FGF22: variants seen among roughly 807,000 people sequenced by gnomAD.
FGF22 encodes the protein fibroblast growth factor 22.
In FGF22, 11 loss-of-function variants were observed where a neutral mutation model predicts 10.3. That is an observed-to-expected ratio of 1.07 (90% confidence interval 0.67 to 1.77). The LOEUF (loss-of-function observed/expected upper bound fraction) is 1.77, where lower values mean the gene tolerates loss of function less well. Among genes scored for constraint, FGF22 ranks in the 40% most tolerant of loss-of-function variants. FGF22 has a pLI of 0.00. For missense variants in FGF22, 317 were observed against 273.2 expected (o/e 1.16, Z -1.13); for synonymous variants, 136 against 122.1 (o/e 1.11, Z -0.75).
At position 643,258 on chromosome 19, in the gene FGF22, C is replaced by T. The variant is rs1433784545; in HGVS notation, c.238C>T (p.His80Tyr). Residue 80 changes from histidine to tyrosine, a missense_variant, in exon 2 of 3, where the codon CAC becomes TAC. By Grantham distance (83) the His-to-Tyr change is moderately conservative. Coordinates refer to ENST00000215530, the Ensembl canonical transcript of FGF22. ...AGGCATCCTGGAGATCCGCTCTGTA[C>T]ACGTGGGCGTCGTGGTCATCAAAGC... is the stretch of plus-strand genomic sequence containing the variant. The T allele has an allele frequency of 9.9e-6, 16 of 1,611,622 alleles. No individual in the cohort carries two copies. The highest frequency in any genetic ancestry group is 1.0e-5 in the Non-Finnish European group (12 of 1,179,410).
chr19:643,338 G>C (rs377149140), exon 2 of FGF22: 4 of 1,609,122 alleles, frequency 2.5e-6, no homozygotes, highest in Non-Finnish European at 3.4e-6. Context: ...TCTACGGGTC[G>C]GTGAGTGCCG....
chr19:643,362 G>A (rs200929490), intron 2 of FGF22, 24 bp downstream of exon 2: 25 of 1,602,408 alleles, frequency 1.6e-5, no homozygotes, highest in East Asian at 2.2e-5. Flanking sequence ...AGGGCTGGGC[G>A]GCGCGGGCAG....
chr19:641,243 A>T (rs1461000307), intron 1 of FGF22: 1 of 456,352 alleles, frequency 2.2e-6, no homozygotes, highest in Admixed American at 2.3e-5. Flanking sequence ...GGCGCGCAGC[A>T]GTTAGACACG....
chr19:643,918 C>G, exon 3 of FGF22: 1 of 86,502 alleles, frequency 1.2e-5, no homozygotes, highest in Non-Finnish European at 2.2e-5. Context: ...GTGGGGAGCA[C>G]GTTGGGAGTG....
rs764696073 is a variant in FGF22, at chr19:643,312, A to T, written c.292A>T (p.Asn98Tyr). The T allele has an allele frequency of 2.5e-5, 39 of 1,585,812 alleles. No individual in the cohort carries two copies. The highest frequency in any genetic ancestry group is 3.3e-5 in the Non-Finnish European group (38 of 1,164,482). ...GTCCTCAGGCTTCTACGTGGCCATG[A>T]ACCGCCGGGGCCGCCTCTACGGGTC... The change falls in exon 2 of 3, where the codon AAC (asparagine) becomes TAC (tyrosine). Residue 98 changes from asparagine to tyrosine, a missense_variant. Coordinates refer to ENST00000215530, the Ensembl canonical transcript of FGF22.
exon 3 of FGF22, chr19:643,855 G>A (rs1985997768): frequency 1.4e-5 from 6 of 418,922 alleles, no homozygotes; most frequent in East Asian, 4.4e-5. Flanking sequence ...CGCAGACGTC[G>A]AAAGGTCGAG....
At chr19:643,734 C>G in exon 3 of FGF22, 1 of 817,266 alleles carries the variant, frequency 1.2e-6, no homozygotes, top group Non-Finnish European at 1.9e-6. Flanking sequence ...TGGACACAGC[C>G]CAGGAGCCCT....
In FGF22 at chr19:642,810, A is replaced by G. The variant is rs192530718; in HGVS notation, c.215-425A>G. ...CCCTTCTGACTCCCACATCCCAGGA[A>G]CCCTTTCCCAACCTTCCTCGTGGTG... On this transcript the variant is annotated intron_variant, in intron 1 of 2. Transcript: ENST00000215530. Among the ~76,000 whole-genome samples, 117 of 151,444 alleles carry G rather than the reference A, an allele frequency of 7.7e-4. 2 individuals carry two copies. In the East Asian group the frequency reaches 0.021, roughly 27 times the overall value.
At chr19:644,292 C>T (rs1600619984) in exon 3 of FGF22, 1 of 152,528 alleles carries the variant, frequency 6.6e-6, no homozygotes, top group African/African-American at 2.4e-5. Flanking sequence ...CGGCCTGCTC[C>T]TGCCTTGATA....
intron 2 of FGF22, 35 bp from the exon 3 acceptor site, chr19:643,375 T>TG: frequency 2.1e-6 from 1 of 466,250 alleles, no homozygotes; most frequent in Non-Finnish European, 3.5e-6. Context: ...GCGGGCAGGG[T>TG]GGGGAGGGTG....
intron 1 of FGF22, 24 bp downstream of exon 1, chr19:640,163 TG>T (rs1306516764): frequency 4.8e-6 from 6 of 1,256,284 alleles, no homozygotes; most frequent in Non-Finnish European, 5.0e-6. Flanking sequence ...GGCGGGGGCC[TG>T]GGGTGGGGAG....
At position 643,683 on chromosome 19, in the gene FGF22, G is replaced by A. The variant is rs11572892; in HGVS notation, c.*79G>A. The A allele has an allele frequency of 2.1e-3, 2,631 of 1,251,256 alleles. 49 individuals carry two copies. The African/African-American group carries it at 0.034, about 16-fold the overall frequency. 77.5% of individuals were successfully genotyped at this position (1,251,256 alleles called of 1,614,324 possible). A position where few individuals can be genotyped will look rare whatever the true frequency, so the allele number is the denominator to read the frequency against. ...CGGCCACGCTTGTTCTTCCCCCTGC[G>A]GGCTCTGTAAGCGCTGAGTGCCCAC... On this transcript the variant is annotated 3_prime_UTR_variant, in exon 3 of 3. Transcript: ENST00000215530.
intron 1 of FGF22, chr19:640,470 G>T (rs1312361619): frequency 4.3e-6 from 1 of 233,388 alleles, no homozygotes; most frequent in East Asian, 8.0e-5. Flanking sequence ...AAGCGGCGGG[G>T]GGCTGACCTC....
At chr19:640,169 G>T in intron 1 of FGF22, 30 bp downstream of exon 1, 1 of 1,258,828 alleles carries the variant, frequency 7.9e-7, no homozygotes, top group South Asian at 2.7e-5. Context: ...GGCCTGGGGT[G>T]GGGAGGCGGC....
At chr19:641,372 C>T (rs762739228) in intron 1 of FGF22, 50 of 426,722 alleles carry the variant, frequency 1.2e-4, no homozygotes, top group Non-Finnish European at 2.1e-4. Flanking sequence ...GTCAGGAGAT[C>T]GAGACCATCC....
At position 643,404 on chromosome 19, in the gene FGF22, C is replaced by T; in HGVS notation, c.319-6C>T. The T allele has an allele frequency of 1.2e-6, 2 of 1,609,788 alleles. No individual in the cohort carries two copies. The highest frequency in any genetic ancestry group is 1.7e-6 in the Non-Finnish European group (2 of 1,178,510). On this transcript the variant is annotated splice_polypyrimidine_tract_variant and splice_region_variant and intron_variant, in intron 2 of 2. Transcript: ENST00000215530. ...GAGGGTGGGCCGGCCTCACCCCCGC[C>T]CGCAGCGACTCTACACCGTGGACTG...
In FGF22 at chr19:641,076, C is replaced by G. The variant is rs1419829220; in HGVS notation, c.214+937C>G. On this transcript the variant is annotated intron_variant, in intron 1 of 2. Transcript: ENST00000215530. Reference sequence around the variant, plus strand: ...CTGCCTCTCTCCAAGCCTCGGTTTCCCCAGCTGGACGGTGATGGGGGTGAG... The same window carrying G: ...CTGCCTCTCTCCAAGCCTCGGTTTCGCCAGCTGGACGGTGATGGGGGTGAG... 5.9e-5 allele frequency: 25 copies of G among 426,000 alleles called. No homozygotes were observed. In the East Asian group the frequency reaches 1.6e-3, roughly 28 times the overall value. The allele number at this position is 426,000 out of a possible 1,614,324, so 26.4% of individuals were successfully genotyped here. A position where few individuals can be genotyped will look rare whatever the true frequency, so the allele number is the denominator to read the frequency against.
chr19:644,008 C>A (rs1330035046), exon 3 of FGF22: 1 of 242,604 alleles, frequency 4.1e-6, no homozygotes, highest in East Asian at 8.9e-5. Flanking sequence ...AAGCCGGTCC[C>A]GTCCCGGGAA....
chr19:641,177 C>T (rs1289552118), intron 1 of FGF22: 1 of 456,514 alleles, frequency 2.2e-6, no homozygotes, highest in Non-Finnish European at 4.4e-6. Context: ...CTGTGCTCCG[C>T]ATGGGGGACC....
Sources: allele counts gnomAD v4.1 joint callset (sites outside exome capture counted in the v4.1 genomes callset), GRCh38; gene constraint gnomAD v4.1.1; transcripts MANE v1.5; gene names NCBI Gene and HGNC (gene_info 2026-07-23, HGNC 2026-07-21).